Variants in XIRP2 observed in about 807,000 individuals in gnomAD.
The protein encoded by XIRP2 is xin actin binding repeat containing 2.
In XIRP2, 236 loss-of-function variants were observed where a neutral mutation model predicts 277.0. The observed-to-expected ratio is 0.85, with a 90% CI of 0.77 to 0.95. The LOEUF (loss-of-function observed/expected upper bound fraction) is 0.95, where lower values mean the gene tolerates loss of function less well. Ranked by LOEUF, XIRP2 falls within the 40% of genes least tolerant of loss-of-function variation. XIRP2 has a pLI of 0.00. For synonymous variants in XIRP2, 1,490 were observed against 1,416.5 expected, an observed-to-expected ratio of 1.05 and a Z score of -1.17; for missense variants, 4,640 against 4,157.5, an observed-to-expected ratio of 1.12 and a Z score of -3.19.
At chr2:166,931,508 C>T (rs1685336218) in intron 2 of XIRP2, among the ~76,000 whole-genome samples, 1 of 152,144 alleles carries the variant, frequency 6.6e-6, no homozygotes, top group African/African-American at 2.4e-5. Flanking sequence ...TTATTTGAGT[C>T]ATACAGTATA....
chr2:167,171,867 A>G (rs1303315272), intron 3 of XIRP2, among the ~76,000 whole-genome samples: 1 of 152,204 alleles, frequency 6.6e-6, no homozygotes, highest in African/African-American at 2.4e-5. Flanking sequence ...CAATATAGCC[A>G]CATTAGTTTT....
chr2:167,247,018 A>C lies in XIRP2; in HGVS notation c.5626A>C (p.Lys1876Gln). The change falls in exon 9 of 11, where the codon AAA (lysine) becomes CAA (glutamine). Residue 1876 changes from lysine (K) to glutamine (Q), a missense_variant. By Grantham distance (53) the Lys-to-Gln change is moderately conservative. Coordinates refer to ENST00000409195, the MANE Select transcript of XIRP2 (RefSeq NM_152381.6). ...CATGCTAGCCACACTCAAGTCACTT[A>C]AAGAATCAAGCCATCGATGGAAAGA... ...GNMLATLKSL[K>Q]ESSHRWKESK... 1.2e-6 allele frequency: 2 copies of C among 1,613,692 alleles called. No individual in the cohort carries two copies. Among genetic ancestry groups the C allele is most frequent in the Non-Finnish European group, 1.7e-6 (2 of 1,179,762 alleles).
chr2:167,080,150 T>C (rs757237802), intron 2 of XIRP2, among the ~76,000 whole-genome samples: 2 of 152,160 alleles, frequency 1.3e-5, no homozygotes, highest in Non-Finnish European at 1.5e-5. Flanking sequence ...TGAAAATAAA[T>C]GGCGAAAAGT....
chr2:167,237,075 G>A (rs1471355058), intron 5 of XIRP2, among the ~76,000 whole-genome samples: 1 of 152,056 alleles, frequency 6.6e-6, no homozygotes, highest in Non-Finnish European at 1.5e-5. Flanking sequence ...AACTAGTATG[G>A]CAATTACAGT....
intron 2 of XIRP2, among the ~76,000 whole-genome samples, chr2:166,914,696 T>C (rs1012219184): frequency 2.0e-5 from 3 of 152,134 alleles, no homozygotes; most frequent in Non-Finnish European, 2.9e-5. Flanking sequence ...ATGGAAGCAA[T>C]AGGAAGCTAA....
intron 3 of XIRP2, among the ~76,000 whole-genome samples, chr2:167,203,387 A>G (rs1693774397): frequency 6.6e-6 from 1 of 152,226 alleles, no homozygotes; most frequent in Admixed American, 6.5e-5. Flanking sequence ...GTTAATGTAT[A>G]AAGCCCAAAT....
At chr2:167,079,035 C>T (rs970228763) in intron 2 of XIRP2, among the ~76,000 whole-genome samples, 1 of 152,006 alleles carries the variant, frequency 6.6e-6, no homozygotes, top group African/African-American at 2.4e-5. Context: ...TATTTCTTTT[C>T]AATGCATAGT....
At chr2:167,040,631 A>G (rs1688636645) in intron 2 of XIRP2, among the ~76,000 whole-genome samples, 1 of 152,148 alleles carries the variant, frequency 6.6e-6, no homozygotes. Context: ...AAGGCTTACC[A>G]TGCTTCTCTA....
intron 2 of XIRP2, among the ~76,000 whole-genome samples, chr2:167,091,143 A>G (rs1167478026): frequency 1.3e-5 from 2 of 152,062 alleles, no homozygotes; most frequent in Admixed American, 1.3e-4. Flanking sequence ...CTTCTTTGTC[A>G]TTGACTTTTA....
At chr2:167,119,938 A>T (rs552182770) in intron 2 of XIRP2, among the ~76,000 whole-genome samples, 61 of 152,228 alleles carry the variant, frequency 4.0e-4, no homozygotes, top group African/African-American at 9.4e-4. Context: ...TATATGGATA[A>T]TCCACTTAGA....
At chr2:167,166,329 A>G (rs972475746) in intron 3 of XIRP2, among the ~76,000 whole-genome samples, 56 of 152,320 alleles carry the variant, frequency 3.7e-4, no homozygotes, top group African/African-American at 1.1e-3. Context: ...TAGACATTGC[A>G]TAATTTCTAT....
chr2:167,026,008 C>T (rs1290232873), intron 2 of XIRP2, among the ~76,000 whole-genome samples: 1 of 151,970 alleles, frequency 6.6e-6, no homozygotes, highest in Admixed American at 6.6e-5. Context: ...CCTGGGTATC[C>T]TTGTTAACTT....
chr2:167,216,043 A>G (rs1694239147), intron 4 of XIRP2, among the ~76,000 whole-genome samples: 1 of 148,544 alleles, frequency 6.7e-6, no homozygotes, highest in Admixed American at 6.8e-5. Flanking sequence ...AGGATTCCCT[A>G]TTTAATAAAT....
intron 5 of XIRP2, among the ~76,000 whole-genome samples, chr2:167,223,456 T>C (rs1194430856): frequency 6.6e-6 from 1 of 152,210 alleles, no homozygotes; most frequent in Non-Finnish European, 1.5e-5. Flanking sequence ...GCTAGGATTC[T>C]GTAAGATTAT....
At chr2:167,081,473 T>A (rs1315715371) in intron 2 of XIRP2, among the ~76,000 whole-genome samples, 7 of 152,072 alleles carry the variant, frequency 4.6e-5, no homozygotes, top group Non-Finnish European at 1.0e-4. Context: ...CTCTAAAAAA[T>A]TTTTTAAGAT....
intron 2 of XIRP2, among the ~76,000 whole-genome samples, chr2:167,028,945 C>T (rs752708399): frequency 2.0e-5 from 3 of 151,454 alleles, no homozygotes; most frequent in Non-Finnish European, 2.9e-5. Flanking sequence ...CTCAGAGTCT[C>T]TCAACAGCAG....
In XIRP2 at chr2:167,231,112, C is replaced by T. The variant is rs145016038; in HGVS notation, c.859-8743C>T. 5.4e-3 allele frequency among the ~76,000 whole-genome samples: 827 copies of T among 152,032 alleles called. 4 individuals are homozygous for T. The highest frequency in any genetic ancestry group is 0.01 in the Middle Eastern group (3 of 294). ...ATAATTAATAACTGCCCTGTGATGC[C>T]ATGTTTGTGCAGATAACCTTGCAAT... On this transcript the variant is annotated intron_variant, in intron 5 of 10. Coordinates refer to ENST00000409195, the MANE Select transcript of XIRP2 (RefSeq NM_152381.6).
At chr2:167,225,710 A>G (rs1389173123) in intron 5 of XIRP2, among the ~76,000 whole-genome samples, 2 of 152,176 alleles carry the variant, frequency 1.3e-5, no homozygotes, top group East Asian at 3.8e-4. Flanking sequence ...ATTGTTCTCA[A>G]GAGGCATATA....
chr2:166,901,808 C>A (rs1684393571), intron 1 of XIRP2, among the ~76,000 whole-genome samples: 2 of 152,058 alleles, frequency 1.3e-5, no homozygotes, highest in African/African-American at 4.8e-5. Context: ...CTAATTCAAA[C>A]TTACCAATTG....
Sources: gnomAD v4.1 joint callset for allele counts (sites outside exome capture counted in the v4.1 genomes callset) on GRCh38, gnomAD v4.1.1 for gene constraint, MANE v1.5 for transcripts, NCBI Gene and HGNC (gene_info 2026-07-23, HGNC 2026-07-21) for gene names.